The following ICE1 variants were observed in gnomAD, a reference collection of about 807,000 sequenced individuals.
ICE1 encodes little elongation complex subunit 1.
ICE1 carries 64 observed loss-of-function variants against 192.7 expected under a neutral mutation model. The observed-to-expected ratio is 0.33, with a 90% confidence interval of 0.27 to 0.41. The LOEUF (loss-of-function observed/expected upper bound fraction) is 0.41. Ranked by LOEUF, ICE1 falls within the 10% of genes least tolerant of loss-of-function variation. The pLI is 1.00. For synonymous variants in ICE1, 1,010 were observed against 984.5 expected (o/e 1.03, Z -0.49); for missense variants, 2,708 against 2,696.0 (o/e 1.00, Z -0.10).
At chr5:5,439,745 G>T in intron 3 of ICE1, 150 bp from the exon 4 acceptor site, 1 of 494,010 alleles carries the variant, frequency 2.0e-6, no homozygotes, top group Non-Finnish European at 3.6e-6. Context: ...CTGTGTTTTA[G>T]ATTGCATTTT....
intron 17 of ICE1, among the ~76,000 whole-genome samples, chr5:5,481,017 C>T (rs141670753): frequency 1.3e-5 from 2 of 152,212 alleles, no homozygotes; most frequent in African/African-American, 4.8e-5. Context: ...AGCTGTGGAG[C>T]GCTAGGGAAC....
intron 1 of ICE1, among the ~76,000 whole-genome samples, chr5:5,426,085 T>C (rs1231429077): frequency 1.3e-5 from 2 of 152,352 alleles, no homozygotes; most frequent in African/African-American, 4.8e-5. Context: ...AACACAGTGC[T>C]TCCAAGGTGC....
intron 1 of ICE1, among the ~76,000 whole-genome samples, chr5:5,424,025 G>A (rs940728559): frequency 1.3e-5 from 2 of 152,158 alleles, no homozygotes; most frequent in African/African-American, 2.4e-5. Context: ...GGGAAGGATC[G>A]GGCTGTCAGA....
chr5:5,465,441 A>C (rs183554403), intron 13 of ICE1, among the ~76,000 whole-genome samples: 28 of 152,366 alleles, frequency 1.8e-4, no homozygotes, highest in African/African-American at 6.5e-4. Context: ...TCTATTCATT[A>C]AATTACTTAA....
chr5:5,473,222 G>A (rs941100968), intron 15 of ICE1, among the ~76,000 whole-genome samples: 1 of 152,080 alleles, frequency 6.6e-6, no homozygotes, highest in African/African-American at 2.4e-5. Context: ...ATTTTTAAAG[G>A]TTTATTTTTA....
rs560141895 is a variant in ICE1 at position 5,437,206 on chromosome 5, C to T, written c.178+92C>T. 1.5e-5 allele frequency: 14 copies of T among 964,356 alleles called. No individual in the cohort carries two copies. The South Asian group carries it at 2.0e-4, about 14-fold the overall frequency. The allele number at this position is 964,356 out of a possible 1,614,324, so 59.7% of individuals were successfully genotyped here. ...GTGAGAATTGTTCCTCATAGGCCTT[C>T]TGGAAGATAGTACTTAACAGGCTTC... On this transcript the variant is annotated intron_variant, in intron 3 of 18. Transcript: ENST00000296564.
rs1234747165 is a variant in ICE1 at position 5,464,636 on chromosome 5, A to C, written c.5302A>C (p.Ile1768Leu). 1.2e-6 allele frequency: 2 copies of C among 1,613,512 alleles called. No homozygotes were observed. The highest frequency in any genetic ancestry group is 8.5e-7 in the Non-Finnish European group (1 of 1,179,692). Residue 1768 changes from isoleucine to leucine, a missense_variant, in exon 13 of 19, where the codon ATC becomes CTC. By Grantham distance (5) the Ile-to-Leu change is conservative (BLOSUM62 2). This residue lies in a region of ICE1 where 2,366 missense variants were observed against 2,276.6 expected (regional missense o/e 1.04). Coordinates refer to ENST00000296564, the MANE Select transcript of ICE1 (RefSeq NM_015325.3). The surrounding 1 kb of genome is among the most constrained non-coding windows in gnomAD (Gnocchi z 4.0). Reference sequence around the variant, plus strand: ...ATCTGCCAGGGCCCGGACCCTCAACATCCTCAAAGGGAATATTCAACTCAC... The same window carrying C: ...ATCTGCCAGGGCCCGGACCCTCAACCTCCTCAAAGGGAATATTCAACTCAC... ...ELSARARTLN[I>L]LKGNIQLTRG... is the part of the protein sequence containing the mutation.
intron 2 of ICE1, 41 bp downstream of exon 2, chr5:5,436,517 C>T: frequency 8.2e-7 from 1 of 1,223,048 alleles, no homozygotes; most frequent in Middle Eastern, 2.0e-4. Flanking sequence ...CTTTGTAAAC[C>T]TGACAAACTG....
chr5:5,460,427 T>C lies in ICE1; in HGVS notation c.1102-9T>C. 1 of 1,491,740 alleles carries C rather than the reference T, an allele frequency of 6.7e-7. No individual in the cohort carries two copies. Among genetic ancestry groups the C allele is most frequent in the African/African-American group, 1.4e-5 (1 of 71,122 alleles). 92.4% of individuals were successfully genotyped at this position (1,491,740 alleles called of 1,614,324 possible). A position where few individuals can be genotyped will look rare whatever the true frequency, so the allele number is the denominator to read the frequency against. The stretch of plus-strand genomic sequence containing the variant: ...TAGTGTTTGACAAGTGTAATTCATA[T>C]TTTTTAAGGAAACCTACTTTGGAGA... On this transcript the variant is annotated splice_polypyrimidine_tract_variant and intron_variant, in intron 12 of 18. Coordinates refer to ENST00000296564, the MANE Select transcript of ICE1 (RefSeq NM_015325.3).
chr5:5,464,662 A>C lies in ICE1; in HGVS notation c.5328A>C (p.Thr1776=), dbSNP rs758515269. ...LNILKGNIQL[T]RGPPADCKNL... ...TCCTCAAAGGGAATATTCAACTCAC[A>C]CGAGGTCCGCCTGCTGACTGTAAGA... The change falls in exon 13 of 19, where the codon ACA becomes ACC. Residue 1776 remains threonine, a synonymous_variant. Transcript: ENST00000296564. The surrounding 1 kb of genome is among the most constrained non-coding windows in gnomAD (Gnocchi z 4.0). The C allele has an allele frequency of 1.9e-6, 3 of 1,613,810 alleles. No homozygotes were observed. In the South Asian group the frequency reaches 3.3e-5, roughly 18 times the overall value.
intron 10 of ICE1, 36 bp downstream of exon 10, chr5:5,447,933 AT>A: frequency 6.7e-7 from 1 of 1,489,774 alleles, no homozygotes. Flanking sequence ...AATGTTGTGT[AT>A]TGCTCTTAGT....
At chr5:5,449,812 T>G (rs988632823) in intron 10 of ICE1, among the ~76,000 whole-genome samples, 2 of 152,166 alleles carry the variant, frequency 1.3e-5, no homozygotes, top group Admixed American at 1.3e-4. Flanking sequence ...ACAATGGAGC[T>G]CCTCAGAGTG....
At chr5:5,474,445 T>G (rs1047556310) in intron 16 of ICE1, among the ~76,000 whole-genome samples, 2 of 152,118 alleles carry the variant, frequency 1.3e-5, no homozygotes, top group East Asian at 3.9e-4. Flanking sequence ...TGAATGAAAT[T>G]AATTATCATT....
Position 5,464,390 on chromosome 5 carries a change from G to A in ICE1, c.5056G>A (p.Glu1686Lys). 6.2e-7 allele frequency: 1 copy of A among 1,613,804 alleles called. No individual in the cohort carries two copies. The highest frequency in any genetic ancestry group is 8.5e-7 in the Non-Finnish European group (1 of 1,179,856). ...GCCTCCTGCCATGTCTCCATGGCCAGAGGACCCCAGACGTGCCTCTCCTCC... is the reference window on the plus strand; with the variant it reads ...GCCTCCTGCCATGTCTCCATGGCCAAAGGACCCCAGACGTGCCTCTCCTCC... ...PVPPAMSPWPEDPRRASPPDP... is the reference protein window; with the variant it reads ...PVPPAMSPWPKDPRRASPPDP... The change falls in exon 13 of 19, where the codon GAG becomes AAG. Residue 1686 changes from glutamate to lysine, a missense_variant. Physicochemically the swap from Glu to Lys is moderately conservative, Grantham distance 56. This residue lies in a region of ICE1 where 2,366 missense variants were observed against 2,276.6 expected (regional missense o/e 1.04). Transcript: ENST00000296564. This position sits in a 1 kb window ranked among gnomAD's most constrained non-coding sequence, Gnocchi z 4.0.
At position 5,457,704 on chromosome 5, in the gene ICE1, C is replaced by T; in HGVS notation, c.1064C>T (p.Ser355Leu). Residue 355 changes from serine to leucine, a missense_variant, in exon 12 of 19, where the codon TCA becomes TTA. Around this residue, in one of 2 missense-constraint regions of ICE1, gnomAD observed 2,366 missense variants for 2,276.6 expected, o/e 1.04. Transcript: ENST00000296564. ...SPVPSPPPMS[S>L]PHPGSLPSSF... ...GTGCCCTCGCCCCCTCCGATGTCATCACCTCACCCGGGTTCCTTACCGTCT... is the reference window on the plus strand; with the variant it reads ...GTGCCCTCGCCCCCTCCGATGTCATTACCTCACCCGGGTTCCTTACCGTCT... 3 of 1,613,656 alleles carry T rather than the reference C, an allele frequency of 1.9e-6. No homozygotes were observed. Among genetic ancestry groups the T allele is most frequent in the Non-Finnish European group, 2.5e-6 (3 of 1,179,648 alleles).
At chr5:5,459,466 G>A (rs1052128239) in intron 12 of ICE1, among the ~76,000 whole-genome samples, 1 of 152,202 alleles carries the variant, frequency 6.6e-6, no homozygotes, top group Non-Finnish European at 1.5e-5. Flanking sequence ...GCCAGCACTT[G>A]AGTGCAGTGG....
intron 1 of ICE1, among the ~76,000 whole-genome samples, chr5:5,431,853 G>C (rs1737720329): frequency 6.6e-6 from 1 of 151,264 alleles, no homozygotes; most frequent in Non-Finnish European, 1.5e-5. Context: ...TTTTAATTAG[G>C]TCTCCATCTT....
intron 10 of ICE1, among the ~76,000 whole-genome samples, chr5:5,450,515 C>T (rs1738382818): frequency 6.6e-6 from 1 of 152,144 alleles, no homozygotes; most frequent in Non-Finnish European, 1.5e-5. Context: ...GTGATCAAGA[C>T]ATGACAGAAG....
At chr5:5,439,067 C>G (rs1737960724) in intron 3 of ICE1, among the ~76,000 whole-genome samples, 1 of 152,150 alleles carries the variant, frequency 6.6e-6, no homozygotes, top group African/African-American at 2.4e-5. Context: ...TCTTCCATAA[C>G]TGCACTATGA....
Sources: gnomAD v4.1 joint callset for allele counts (sites outside exome capture counted in the v4.1 genomes callset) on GRCh38, gnomAD v4.1.1 for gene constraint, gnomAD v4.1.1 regional missense constraint, Gnocchi (gnomAD v3.1) non-coding constraint, MANE v1.5 for transcripts, NCBI Gene and HGNC (gene_info 2026-07-23, HGNC 2026-07-21) for gene names.